HEG1: variants seen among roughly 807,000 people sequenced by gnomAD.
HEG1 encodes the protein protein HEG homolog 1.
HEG1 carries 56 observed loss-of-function variants against 125.6 expected under a neutral mutation model. That is an observed-to-expected ratio of 0.45 (90% CI 0.36 to 0.56). The LOEUF (loss-of-function observed/expected upper bound fraction) is 0.56. Ranked by LOEUF, HEG1 falls within the 20% of genes least tolerant of loss-of-function variation. The pLI, the probability that HEG1 is intolerant of heterozygous loss-of-function variation, is 0.00. For missense variants in HEG1, 1,523 were observed against 1,670.0 expected (o/e 0.91, Z 1.53); for synonymous variants, 644 against 668.5 (o/e 0.96, Z 0.57).
chr3:124,987,012 C>T (rs1056385943), intron 14 of HEG1, among the ~76,000 whole-genome samples: 1 of 152,160 alleles, frequency 6.6e-6, no homozygotes, highest in Non-Finnish European at 1.5e-5. Context: ...ATCACTCTTC[C>T]ATTCGCTGAG....
At chr3:125,035,186 A>G (rs964132600) in intron 1 of HEG1, among the ~76,000 whole-genome samples, 3 of 152,082 alleles carry the variant, frequency 2.0e-5, no homozygotes, top group Non-Finnish European at 4.4e-5. Context: ...GGCTGGTCTC[A>G]AACTCCTGAC....
At chr3:124,990,857 T>C in intron 13 of HEG1, 33 bp from the exon 14 acceptor site, 1 of 1,558,090 alleles carries the variant, frequency 6.4e-7, no homozygotes, top group Non-Finnish European at 8.7e-7. Flanking sequence ...GGGCAAGAAT[T>C]AGTTTCCAAT....
Position 125,001,838 on chromosome 3 carries a change from G to A in HEG1, c.3517+14C>T, listed in dbSNP as rs763980267. The A allele has an allele frequency of 6.2e-7, 1 of 1,609,922 alleles. No individual in the cohort carries two copies. The highest frequency in any genetic ancestry group is 1.7e-5 in the Admixed American group (1 of 59,504). ...CTATATGGGTAGGATCCTCCCAGAG[G>A]GCTGCCCTCTTACCTCTAAAGATCC... is the stretch of plus-strand genomic sequence containing the variant. On this transcript the variant is annotated intron_variant, in intron 11 of 16. Coordinates refer to ENST00000311127, the MANE Select transcript of HEG1 (RefSeq NM_020733.2).
At chr3:124,984,250 G>C (rs1182043969) in intron 14 of HEG1, among the ~76,000 whole-genome samples, 1 of 152,138 alleles carries the variant, frequency 6.6e-6, no homozygotes, top group Non-Finnish European at 1.5e-5. Context: ...GCTGTCAGTG[G>C]GGAAGGCAGA....
In HEG1 at chr3:125,010,534, G is replaced by T; in HGVS notation, c.2978C>A (p.Pro993His). 1 of 1,557,564 alleles carries T rather than the reference G, an allele frequency of 6.4e-7. No homozygotes were observed. Among genetic ancestry groups the T allele is most frequent in the Non-Finnish European group, 8.7e-7 (1 of 1,149,970 alleles). The change falls in exon 7 of 17, where the codon CCT (proline) becomes CAT (histidine). Residue 993 changes from proline to histidine, a missense_variant. Physicochemically the swap from Pro to His is moderately conservative, Grantham distance 77 (BLOSUM62 -2). Transcript: ENST00000311127. Reference sequence around the variant, plus strand: ...GACGCATTCGCCATTGTGAAGACAAGGGTTCACAGCACAGCTGTTGACTAC... The same window carrying T: ...GACGCATTCGCCATTGTGAAGACAATGGTTCACAGCACAGCTGTTGACTAC... ...SASVNSCAVN[P>H]CLHNGECVAD...
intron 1 of HEG1, among the ~76,000 whole-genome samples, chr3:125,047,004 C>T (rs1937681962): frequency 6.6e-6 from 1 of 152,234 alleles, no homozygotes; most frequent in Non-Finnish European, 1.5e-5. Context: ...CTCAGATGAC[C>T]ATAGGTGAGG....
chr3:125,009,355 G>A (rs1159061346), intron 8 of HEG1, among the ~76,000 whole-genome samples: 1 of 151,634 alleles, frequency 6.6e-6, no homozygotes, highest in African/African-American at 2.4e-5. Flanking sequence ...CCAGGGTGGA[G>A]TGGTTAAGCA....
intron 15 of HEG1, among the ~76,000 whole-genome samples, chr3:124,977,128 A>C (rs949605250): frequency 1.3e-5 from 2 of 152,052 alleles, no homozygotes; most frequent in African/African-American, 2.4e-5. Context: ...TTCCCTGCAC[A>C]AGCTCTCTCT....
chr3:125,030,225 G>C (rs1937478784), intron 1 of HEG1, among the ~76,000 whole-genome samples: 1 of 152,202 alleles, frequency 6.6e-6, no homozygotes, highest in African/African-American at 2.4e-5. Context: ...CCTTGACCCT[G>C]ACACCTACTC....
chr3:124,994,136 C>T (rs1049183666), intron 12 of HEG1, among the ~76,000 whole-genome samples: 3 of 152,212 alleles, frequency 2.0e-5, no homozygotes, highest in African/African-American at 7.2e-5. Flanking sequence ...AGCTGTTCCA[C>T]CTCAGATCAT....
At chr3:125,025,564 GA>G (rs1332303500) in intron 3 of HEG1, among the ~76,000 whole-genome samples, 1 of 151,994 alleles carries the variant, frequency 6.6e-6, no homozygotes, top group East Asian at 1.9e-4. Context: ...AAATATACGT[GA>G]AAAAAATATA....
At chr3:124,993,781 C>T (rs1220280519) in intron 12 of HEG1, among the ~76,000 whole-genome samples, 9 of 152,184 alleles carry the variant, frequency 5.9e-5, no homozygotes, top group Non-Finnish European at 1.5e-5. Flanking sequence ...TGGCTGTCAT[C>T]CAGGCAGATG....
intron 1 of HEG1, among the ~76,000 whole-genome samples, chr3:125,051,221 T>A (rs530805037): frequency 4.5e-4 from 68 of 152,350 alleles, no homozygotes; most frequent in South Asian, 8.3e-4. Flanking sequence ...ACAAAATTTT[T>A]AAAAAATTTT....
intron 11 of HEG1, among the ~76,000 whole-genome samples, chr3:124,999,213 G>A (rs1035724139): frequency 6.6e-6 from 1 of 152,238 alleles, no homozygotes; most frequent in African/African-American, 2.4e-5. Context: ...GCCTTTATCA[G>A]TGGAAGCTAG....
At chr3:125,011,748 CTT>C (rs1388610866) in intron 6 of HEG1, among the ~76,000 whole-genome samples, 1 of 152,210 alleles carries the variant, frequency 6.6e-6, no homozygotes, top group Non-Finnish European at 1.5e-5. Flanking sequence ...AGCATCATCT[CTT>C]CTTTCCTTCT....
chr3:125,046,725 G>A (rs1177210966), intron 1 of HEG1, among the ~76,000 whole-genome samples: 2 of 152,154 alleles, frequency 1.3e-5, no homozygotes, highest in Non-Finnish European at 2.9e-5. Flanking sequence ...ATAGAGATCC[G>A]CAACCCCATT....
rs1656790914 is a variant in HEG1, at chr3:124,968,439, A to G, written c.*2213T>C. 1 of 151,822 alleles carries G rather than the reference A, an allele frequency of 6.6e-6. No individual in the cohort carries two copies. Among genetic ancestry groups the G allele is most frequent in the Non-Finnish European group, 1.5e-5 (1 of 67,972 alleles). 9.4% of individuals were successfully genotyped at this position (151,822 alleles called of 1,614,324 possible). A position where few individuals can be genotyped will look rare whatever the true frequency, so the allele number is the denominator to read the frequency against. On this transcript the variant is annotated 3_prime_UTR_variant, in exon 17 of 17. Coordinates refer to ENST00000311127, the MANE Select transcript of HEG1 (RefSeq NM_020733.2). The stretch of plus-strand genomic sequence containing the variant: ...CTCAGTTAGAACAACAAAATAAAAC[A>G]CTCTTAATCCACTCCATACGGAAGA...
intron 14 of HEG1, 59 bp from the exon 15 acceptor site, chr3:124,978,005 T>G: frequency 1.6e-6 from 2 of 1,277,510 alleles, no homozygotes; most frequent in South Asian, 1.3e-5. Context: ...AATGAGTGAG[T>G]TCTCAAGAAT....
intron 15 of HEG1, 21 bp from the exon 16 acceptor site, chr3:124,973,926 T>A (rs770995847): frequency 2.5e-6 from 4 of 1,568,960 alleles, no homozygotes; most frequent in Non-Finnish European, 2.6e-6. Context: ...CAAAAATATT[T>A]GTAAAGCTCA....
Sources: gnomAD v4.1 joint callset for allele counts (sites outside exome capture counted in the v4.1 genomes callset) on GRCh38, gnomAD v4.1.1 for gene constraint, MANE v1.5 for transcripts, NCBI Gene and HGNC (gene_info 2026-07-23, HGNC 2026-07-21) for gene names.